TP63: variants seen among roughly 807,000 people sequenced by gnomAD.
TP63 encodes the protein tumor protein p63.
In TP63, 17 loss-of-function variants were observed where a neutral mutation model predicts 82.8. The ratio of observed to expected loss-of-function variants is 0.21; its 90% CI spans 0.14 to 0.31. The LOEUF (loss-of-function observed/expected upper bound fraction) is 0.31. Among genes scored for constraint, TP63 ranks in the 10% least tolerant of loss-of-function variants. The probability of loss-of-function intolerance (pLI) is 1.00; values close to 1 mark genes in which losing one functional copy is unlikely to be tolerated. For synonymous variants in TP63, 330 were observed against 321.7 expected, an observed-to-expected ratio of 1.03 and a Z score of -0.28; for missense variants, 648 against 895.3, an observed-to-expected ratio of 0.72 and a Z score of 3.52.
At chr3:189,684,804 A>G (rs1013040859) in intron 1 of TP63, among the ~76,000 whole-genome samples, 9 of 151,468 alleles carry the variant, frequency 5.9e-5, no homozygotes, top group African/African-American at 1.9e-4. Flanking sequence ...CTAATTTTTT[A>G]TATTTTTAGT....
chr3:189,840,362 T>TTTTTTTTTTTTTTTTTTTTTTTTTTC (rs1713863130), intron 4 of TP63, among the ~76,000 whole-genome samples: 1 of 92,936 alleles, frequency 1.1e-5, no homozygotes, highest in Non-Finnish European at 2.2e-5. Context: ...TTTTCGTCTT[T>TTTTTTTTTTTTTTTTTTTTTTTTTTC]TTTTTTTTTT....
At chr3:189,815,102 C>T (rs1728029189) in intron 4 of TP63, among the ~76,000 whole-genome samples, 1 of 152,000 alleles carries the variant, frequency 6.6e-6, no homozygotes, top group Admixed American at 6.5e-5. Flanking sequence ...CTACTCCCTC[C>T]TTCTCTTTTT....
chr3:189,710,747 A>G (rs941943649), intron 1 of TP63, among the ~76,000 whole-genome samples: 4 of 152,182 alleles, frequency 2.6e-5, no homozygotes, highest in Admixed American at 2.6e-4. Flanking sequence ...CAACAGAGTC[A>G]GGGAAATTCC....
At chr3:189,750,166 C>T (rs1042655467) in intron 3 of TP63, among the ~76,000 whole-genome samples, 1 of 150,198 alleles carries the variant, frequency 6.7e-6, no homozygotes, top group African/African-American at 2.5e-5. Context: ...TTTTCATTTG[C>T]AGCTACATGG....
intron 1 of TP63, among the ~76,000 whole-genome samples, chr3:189,677,463 T>C (rs1183306170): frequency 6.7e-6 from 1 of 149,424 alleles, no homozygotes; most frequent in Non-Finnish European, 1.5e-5. Context: ...TATATACACA[T>C]ATATATATGG....
chr3:189,698,074 GGACTGGT>G (rs1717525825), intron 1 of TP63, among the ~76,000 whole-genome samples: 1 of 152,034 alleles, frequency 6.6e-6, no homozygotes, highest in South Asian at 2.1e-4. Context: ...ATGTTGAATA[GGACTGGT>G]GATAAAAGAC....
chr3:189,727,698 C>T (rs189024557), intron 1 of TP63, among the ~76,000 whole-genome samples: 38 of 152,158 alleles, frequency 2.5e-4, no homozygotes, highest in Non-Finnish European at 3.8e-4. Context: ...GTATCTGGGT[C>T]GTGGATGTTA....
intron 4 of TP63, among the ~76,000 whole-genome samples, chr3:189,823,243 G>T (rs1332659282): frequency 6.6e-6 from 1 of 152,180 alleles, no homozygotes; most frequent in East Asian, 1.9e-4. Context: ...GTGGTTCTAT[G>T]TAGGAAACTA....
intron 1 of TP63, among the ~76,000 whole-genome samples, chr3:189,689,633 A>C (rs974490148): frequency 6.6e-6 from 1 of 152,118 alleles, no homozygotes; most frequent in Non-Finnish European, 1.5e-5. Flanking sequence ...TGAGTATATA[A>C]ATTGTATTAG....
intron 4 of TP63, among the ~76,000 whole-genome samples, chr3:189,836,295 T>A (rs1056924401): frequency 6.6e-6 from 1 of 152,142 alleles, no homozygotes; most frequent in Admixed American, 6.5e-5. Flanking sequence ...TGAAACTGAA[T>A]GTACCCAAAG....
intron 1 of TP63, among the ~76,000 whole-genome samples, chr3:189,682,482 A>G (rs898160820): frequency 2.0e-5 from 3 of 148,834 alleles, no homozygotes; most frequent in African/African-American, 7.4e-5. Flanking sequence ...AAAAGCCTCA[A>G]GAATGCTGAT....
chr3:189,737,537 T>C (rs1361244745), intron 1 of TP63, among the ~76,000 whole-genome samples: 1 of 152,106 alleles, frequency 6.6e-6, no homozygotes, highest in Admixed American at 6.5e-5. Flanking sequence ...GCATTGGAGG[T>C]CTGCCTCACT....
intron 5 of TP63, among the ~76,000 whole-genome samples, chr3:189,866,450 G>A (rs1577141440): frequency 1.3e-5 from 2 of 152,178 alleles, no homozygotes; most frequent in East Asian, 1.9e-4. Context: ...TTATAGGACT[G>A]TTCCCTTAAC....
At chr3:189,791,738 T>G (rs1288648500) in intron 3 of TP63, among the ~76,000 whole-genome samples, 1 of 152,152 alleles carries the variant, frequency 6.6e-6, no homozygotes, top group Non-Finnish European at 1.5e-5. Context: ...TTCCATTCTA[T>G]TACGTACGAA....
At chr3:189,729,174 A>G (rs1719982142) in intron 1 of TP63, among the ~76,000 whole-genome samples, 1 of 152,194 alleles carries the variant, frequency 6.6e-6, no homozygotes, top group African/African-American at 2.4e-5. Flanking sequence ...AGGGCATTGT[A>G]TTCAGAGAAA....
chr3:189,718,036 T>C (rs1719093077), intron 1 of TP63, among the ~76,000 whole-genome samples: 1 of 152,148 alleles, frequency 6.6e-6, no homozygotes, highest in Non-Finnish European at 1.5e-5. Context: ...GGAAGGTCTA[T>C]ATTGGAAAAA....
At chr3:189,868,833 C>A in intron 8 of TP63, 117 bp downstream of exon 8, 2 of 1,526,096 alleles carry the variant, frequency 1.3e-6, no homozygotes, top group East Asian at 2.3e-5. Context: ...GCAAGTGGGA[C>A]GTCAGCCCTC....
intron 1 of TP63, among the ~76,000 whole-genome samples, chr3:189,690,968 C>T (rs1191079109): frequency 2.0e-5 from 3 of 152,164 alleles, no homozygotes; most frequent in African/African-American, 7.2e-5. Flanking sequence ...TCCACCAGAA[C>T]AAGCACGATA....
At chr3:189,656,471 A>G (rs1277280837) in intron 1 of TP63, among the ~76,000 whole-genome samples, 1 of 152,076 alleles carries the variant, frequency 6.6e-6, no homozygotes, top group Non-Finnish European at 1.5e-5. Context: ...AGCAATGAAT[A>G]AAAAGAGTTT....
Sources: allele counts gnomAD v4.1 joint callset (sites outside exome capture counted in the v4.1 genomes callset), GRCh38; gene constraint gnomAD v4.1.1; transcripts MANE v1.5; gene names NCBI Gene and HGNC (gene_info 2026-07-23, HGNC 2026-07-21).